Variants in ARVCF observed in about 807,000 individuals in gnomAD.
The protein encoded by ARVCF is ARVCF delta catenin family member.
Under a neutral mutation model 90.9 loss-of-function variants are expected in ARVCF, and 66 were observed. That is an observed-to-expected ratio of 0.73 (90% CI 0.60 to 0.89). ARVCF has a LOEUF of 0.89. ARVCF is among the 40% of genes least tolerant of loss of function. The pLI, the probability that ARVCF is intolerant of heterozygous loss-of-function variation, is 0.00. For synonymous variants in ARVCF, 653 were observed against 603.4 expected (o/e 1.08, Z -1.21); for missense variants, 1,469 against 1,382.3 (o/e 1.06, Z -1.00).
downstream of ARVCF, chr22:19,968,716 G>A (rs775160442): frequency 8.1e-6 from 13 of 1,610,934 alleles, no homozygotes; most frequent in Non-Finnish European, 1.1e-5. Flanking sequence ...CAAGGGCCCA[G>A]GCAGCGAAGC....
chr22:20,001,295 C>G (rs1264313509), intron 2 of ARVCF, among the ~76,000 whole-genome samples: 1 of 152,168 alleles, frequency 6.6e-6, no homozygotes, highest in Non-Finnish European at 1.5e-5. Context: ...GTGGGAGTGG[C>G]TGGGCCTGCA....
intron 3 of ARVCF, among the ~76,000 whole-genome samples, chr22:19,983,411 C>T (rs1275079827): frequency 4.6e-5 from 7 of 152,232 alleles, no homozygotes; most frequent in African/African-American, 1.7e-4. Context: ...TCAGGACCTG[C>T]CTGCCAAGGC....
At chr22:20,003,253 TG>T (rs1465984867) in intron 2 of ARVCF, among the ~76,000 whole-genome samples, 3 of 152,204 alleles carry the variant, frequency 2.0e-5, no homozygotes, top group African/African-American at 4.8e-5. Context: ...CCAGCAAAGA[TG>T]GTTTCACTGG....
At chr22:19,983,816 T>C (rs1943625401) in intron 3 of ARVCF, 1 of 152,184 alleles carries the variant, frequency 6.6e-6, no homozygotes, top group African/African-American at 2.4e-5. Context: ...AGGGGACCTG[T>C]TCCCTGGGAA....
At chr22:20,011,433 C>T (rs186511731) in intron 1 of ARVCF, among the ~76,000 whole-genome samples, 16 of 152,234 alleles carry the variant, frequency 1.1e-4, no homozygotes, top group Admixed American at 9.1e-4. Flanking sequence ...TCTGAGGCCC[C>T]GCCCAATAGT....
chr22:20,001,905 G>C (rs950430402), intron 2 of ARVCF, among the ~76,000 whole-genome samples: 2 of 152,238 alleles, frequency 1.3e-5, no homozygotes, highest in Non-Finnish European at 2.9e-5. Context: ...AAAACACGCA[G>C]TGTGAGGCTG....
At chr22:19,968,709 G>T, downstream of ARVCF, 1 of 1,612,698 alleles carries the variant, frequency 6.2e-7, no homozygotes, top group Non-Finnish European at 8.5e-7. Context: ...CCATCTACAA[G>T]GGCCCAGGCA....
intron 16 of ARVCF, 140 bp from the exon 17 acceptor site, chr22:19,972,551 A>AC: frequency 2.4e-6 from 3 of 1,233,640 alleles, no homozygotes; most frequent in Non-Finnish European, 2.3e-6. Context: ...TGGCAGCCTC[A>AC]CCCCAGCTTG....
intron 11 of ARVCF, among the ~76,000 whole-genome samples, chr22:19,975,054 G>A (rs1359858293): frequency 6.6e-6 from 1 of 152,110 alleles, no homozygotes; most frequent in Non-Finnish European, 1.5e-5. Context: ...CTGCCCTGCT[G>A]GGCTTTCTGC....
At chr22:20,008,931 GA>G (rs1281642054) in intron 2 of ARVCF, among the ~76,000 whole-genome samples, 1 of 152,176 alleles carries the variant, frequency 6.6e-6, no homozygotes, top group Admixed American at 6.5e-5. Flanking sequence ...CTGGAGGGGG[GA>G]GGGAAAAGAA....
At chr22:20,000,950 T>C (rs1944422450) in intron 2 of ARVCF, among the ~76,000 whole-genome samples, 1 of 152,090 alleles carries the variant, frequency 6.6e-6, no homozygotes, top group African/African-American at 2.4e-5. Flanking sequence ...TGGCAGAGCG[T>C]GAATGAACTA....
chr22:19,971,796 A>C, intron 18 of ARVCF, 90 bp downstream of exon 18: 2 of 1,410,936 alleles, frequency 1.4e-6, no homozygotes, highest in Non-Finnish European at 2.0e-6. Context: ...CAGGGCCCAG[A>C]CCAGACCCAG....
intron 3 of ARVCF, among the ~76,000 whole-genome samples, chr22:19,984,068 C>A (rs1301036336): frequency 1.3e-5 from 2 of 152,198 alleles, no homozygotes; most frequent in Non-Finnish European, 2.9e-5. Flanking sequence ...GGCCCAGGCA[C>A]TGAGGGGCTG....
chr22:19,973,393 G>T, intron 13 of ARVCF, 76 bp from the exon 14 acceptor site: 3 of 1,481,104 alleles, frequency 2.0e-6, no homozygotes, highest in South Asian at 1.3e-5. Flanking sequence ...CCGCGAGGGC[G>T]AGGGGCACTG....
At chr22:19,994,545 C>G (rs1944160250) in intron 2 of ARVCF, among the ~76,000 whole-genome samples, 1 of 82,678 alleles carries the variant, frequency 1.2e-5, no homozygotes. Flanking sequence ...GGAGGATGAA[C>G]AAACAGATGA....
rs572030802 is a variant in ARVCF at position 20,014,491 on chromosome 22, G to A, written c.-73+2098C>T. The stretch of plus-strand genomic sequence containing the variant: ...ATTACAGGCATGAGCCACTGCGCCC[G>A]GCCTCATTCTGGTCTTAATTGAAGC... On this transcript the variant is annotated intron_variant, in intron 1 of 19. Transcript: ENST00000263207. 3.9e-5 allele frequency among the ~76,000 whole-genome samples: 6 copies of A among 152,328 alleles called. No homozygotes were observed. In the East Asian group the frequency reaches 5.8e-4, roughly 15 times the overall value.
chr22:19,976,623 CCCTGGGGCTGGAA>C lies in ARVCF; in HGVS notation c.1888+70_1888+82del. 6 of 1,512,048 alleles carry C rather than the reference CCCTGGGGCTGGAA, an allele frequency of 4.0e-6. No individual in the cohort carries two copies. In the Admixed American group the frequency reaches 1.2e-4, roughly 30 times the overall value. 93.7% of individuals were successfully genotyped at this position (1,512,048 alleles called of 1,614,324 possible). A position where few individuals can be genotyped will look rare whatever the true frequency, so the allele number is the denominator to read the frequency against. ...TGATGAAGCCAGGGGTGGGGCAGGG[CCCTGGGGCTGGAA>C]CGTGCTCGCCTCTTCCCAGGTACCC... is the stretch of plus-strand genomic sequence containing the variant. On this transcript the variant is annotated intron_variant, in intron 10 of 19. Coordinates refer to ENST00000263207, the MANE Select transcript of ARVCF (RefSeq NM_001670.3).
intron 14 of ARVCF, 28 bp from the exon 15 acceptor site, chr22:19,973,064 TG>T: frequency 6.2e-7 from 1 of 1,608,076 alleles, no homozygotes; most frequent in Non-Finnish European, 8.5e-7. Flanking sequence ...GGGTCAGTGG[TG>T]GCCCCTCCCC....
chr22:19,993,426 C>A (rs1944104318), intron 2 of ARVCF, among the ~76,000 whole-genome samples: 1 of 152,200 alleles, frequency 6.6e-6, no homozygotes, highest in Non-Finnish European at 1.5e-5. Flanking sequence ...TTCTTAAGAT[C>A]GATGGGGCCT....
Sources: gnomAD v4.1 joint callset for allele counts (sites outside exome capture counted in the v4.1 genomes callset) on GRCh38, gnomAD v4.1.1 for gene constraint, MANE v1.5 for transcripts, NCBI Gene and HGNC (gene_info 2026-07-23, HGNC 2026-07-21) for gene names.